Variants in AKAP4 observed in about 807,000 individuals in gnomAD.
AKAP4 encodes the protein A-kinase anchoring protein 4.
In AKAP4, 4 loss-of-function variants were observed where a neutral mutation model predicts 42.6. The observed-to-expected ratio is 0.09, with a 90% CI of 0.05 to 0.22. The LOEUF is 0.22. Ranked by LOEUF, AKAP4 falls within the 10% of genes least tolerant of loss-of-function variation. The probability of loss-of-function intolerance (pLI) is 1.00; values close to 1 mark genes in which losing one functional copy is unlikely to be tolerated. For missense variants in AKAP4, 551 were observed against 630.7 expected (o/e 0.87, Z 1.35); for synonymous variants, 223 against 233.0 (o/e 0.96, Z 0.39).
intron 4 of AKAP4, among the ~76,000 whole-genome samples, chrX:50,196,690 T>TGATTAG (rs1344298741): frequency 9.8e-5 from 11 of 111,830 alleles, no homozygotes; most frequent in African/African-American, 2.6e-4. Flanking sequence ...TGAGCCTCTG[T>TGATTAG]GATTAGTGCC....
rs1286860144 is a variant in AKAP4, at chrX:50,200,389, C to T, written c.27+474G>A. 4.0e-6 allele frequency: 3 copies of T among 753,564 alleles called. No homozygotes were observed. The African/African-American group carries it at 6.9e-5, about 17-fold the overall frequency. The allele number at this position is 753,564 out of a possible 1,213,427, so 62.1% of individuals were successfully genotyped here. On this transcript the variant is annotated intron_variant, in intron 1 of 5. Transcript: ENST00000358526. ...GACCAGACTGAGGGGCCAGGCTTTC[C>T]CCTGCTGCCTCTGACCCTGGGGTGT... is the stretch of plus-strand genomic sequence containing the variant.
chrX:50,196,770 A>G, intron 4 of AKAP4, 121 bp downstream of exon 4: 1 of 495,702 alleles, frequency 2.0e-6, no homozygotes, highest in South Asian at 3.6e-5. Context: ...AGAATGTCAT[A>G]GTATTCAAAT....
chrX:50,194,797 A>G (rs1220370342), intron 4 of AKAP4, among the ~76,000 whole-genome samples: 1 of 111,187 alleles, frequency 9.0e-6, no homozygotes, highest in Admixed American at 9.6e-5. Context: ...GCCATTCTGT[A>G]TTGTTAGTGT....
intron 1 of AKAP4, among the ~76,000 whole-genome samples, chrX:50,200,555 A>C (rs1557204753): frequency 8.9e-6 from 1 of 112,332 alleles, no homozygotes; most frequent in Non-Finnish European, 1.9e-5. Context: ...TGTTATCTCT[A>C]TGAGGGTACA....
chrX:50,190,971 C>A lies in AKAP4; in HGVS notation c.2554G>T (p.Ala852Ser). 1.7e-6 allele frequency: 2 copies of A among 1,209,993 alleles called. No individual in the cohort carries two copies. Among genetic ancestry groups the A allele is most frequent in the Non-Finnish European group, 2.2e-6 (2 of 895,002 alleles). Residue 852 changes from alanine to serine, a missense_variant, in exon 6 of 6, where the codon GCT (alanine) becomes TCT (serine). Transcript: ENST00000358526. The stretch of plus-strand genomic sequence containing the variant: ...AGTCAAGGATCAGCTCACAGGTTAG[C>A]GAGCAGCCAGTCCAGCAACTGTTTC... The part of the protein sequence containing the change: ...ARKQLLDWLL[A>S]NL
rs192592461 is a variant in AKAP4, at chrX:50,199,765, C to T, written c.28-1013G>A. On this transcript the variant is annotated intron_variant, in intron 1 of 5. Transcript: ENST00000358526. ...CTCCCCACTCCCGCTCTCCCTTCTG[C>T]CCTTCCCCTCCCCTCTCTCCCCACT... Among the ~76,000 whole-genome samples the T allele has an allele frequency of 5.4e-3, 279 of 51,957 alleles. 10 individuals carry two copies. In the Admixed American group the frequency reaches 0.057, roughly 11 times the overall value. 45.1% of individuals were successfully genotyped at this position (51,957 alleles called of 115,157 possible).
chrX:50,192,499 G>A lies in AKAP4; in HGVS notation c.2214C>T (p.Gly738=). 1 of 1,211,285 alleles carries A rather than the reference G, an allele frequency of 8.3e-7. No individual in the cohort carries two copies. Among genetic ancestry groups the A allele is most frequent in the Non-Finnish European group, 1.1e-6 (1 of 895,332 alleles). ...AASANKPNFR[G]TRCIHSGAMP... is the part of the protein sequence containing the mutation. ...TTGCACCACTGTGAATGCATCTGGT[G>A]CCCCTGAAATTGGGCTTATTTGCCG... The change falls in exon 5 of 6, where the codon GGC becomes GGT. Residue 738 remains glycine, a synonymous_variant. Coordinates refer to ENST00000358526, the MANE Select transcript of AKAP4 (RefSeq NM_003886.3).
At position 50,196,858 on chromosome X, in the gene AKAP4, T is replaced by C; in HGVS notation, c.276+33A>G. On this transcript the variant is annotated intron_variant, in intron 4 of 5. Coordinates refer to ENST00000358526, the MANE Select transcript of AKAP4 (RefSeq NM_003886.3). ...AGACTCATCATTGAGCTCTGAGAAT[T>C]AGAAGTGGTGGGATCTCAGAGGTTA... 4.8e-6 allele frequency: 5 copies of C among 1,037,966 alleles called. No homozygotes were observed. In the East Asian group the frequency reaches 9.1e-5, roughly 19 times the overall value. 85.5% of individuals were successfully genotyped at this position (1,037,966 alleles called of 1,213,427 possible).
chrX:50,196,599 T>C (rs1935194490), intron 4 of AKAP4, among the ~76,000 whole-genome samples: 1 of 111,513 alleles, frequency 9.0e-6, no homozygotes, highest in Non-Finnish European at 1.9e-5. Flanking sequence ...CACAAGTCCA[T>C]TACCAGCCAG....
intron 4 of AKAP4, among the ~76,000 whole-genome samples, chrX:50,196,438 T>C (rs73493776): frequency 0.023 from 2,598 of 111,045 alleles, 66 homozygotes; most frequent in African/African-American, 0.082. Flanking sequence ...GCATGCAAGT[T>C]TAATTGCTTC....
At chrX:50,194,950 GA>G (rs1268207042) in intron 4 of AKAP4, among the ~76,000 whole-genome samples, 2 of 111,876 alleles carry the variant, frequency 1.8e-5, no homozygotes, top group Non-Finnish European at 3.8e-5. Context: ...GTACATGTGT[GA>G]ATGTCAAAAT....
At chrX:50,198,200 G>A (rs1935214943) in intron 2 of AKAP4, among the ~76,000 whole-genome samples, 2 of 111,514 alleles carry the variant, frequency 1.8e-5, no homozygotes, top group African/African-American at 6.5e-5. Context: ...TTAAAACATT[G>A]TAAAAATACA....
At chrX:50,198,806 C>G (rs1277715430) in intron 1 of AKAP4, 54 bp from the exon 2 acceptor site, 6 of 975,111 alleles carry the variant, frequency 6.2e-6, no homozygotes, top group Non-Finnish European at 8.6e-6. Context: ...TTTTGGAAAC[C>G]GGGTCAATTT....
At position 50,192,973 on chromosome X, in the gene AKAP4, C is replaced by G; in HGVS notation, c.1740G>C (p.Gln580His). The change falls in exon 5 of 6, where the codon CAG (glutamine) becomes CAC (histidine). Residue 580 changes from glutamine (Q) to histidine (H), a missense_variant. Transcript: ENST00000358526. Reference sequence around the variant, plus strand: ...CTCCACACTTTTCATATTGAGTACTCTGAGCCATATAGCCCATGGTGGAAC... The same window carrying G: ...CTCCACACTTTTCATATTGAGTACTGTGAGCCATATAGCCCATGGTGGAAC... ...CPGSTMGYMA[Q>H]STQYEKCGGG... 1 of 1,211,787 alleles carries G rather than the reference C, an allele frequency of 8.3e-7. No individual in the cohort carries two copies. The highest frequency in any genetic ancestry group is 1.8e-5 in the South Asian group (1 of 56,980).
chrX:50,192,329 C>G lies in AKAP4; in HGVS notation c.2384G>C (p.Gly795Ala). The change falls in exon 5 of 6, where the codon GGA (glycine) becomes GCA (alanine). Residue 795 changes from glycine (G) to alanine (A), a missense_variant. Coordinates refer to ENST00000358526, the MANE Select transcript of AKAP4 (RefSeq NM_003886.3). The part of the protein sequence containing the change: ...QFNVPMLYFM[G>A]DKDGQLEKLP... ...CTTTTCCAGTTGTCCATCCTTATCT[C>G]CCATGAAGTAGAGCATGGGCACGTT... 2 of 1,201,707 alleles carry G rather than the reference C, an allele frequency of 1.7e-6. No individual in the cohort carries two copies. The highest frequency in any genetic ancestry group is 1.1e-6 in the Non-Finnish European group (1 of 891,221).
At chrX:50,191,670 AAGAG>A (rs782187338) in intron 5 of AKAP4, among the ~76,000 whole-genome samples, 1 of 90,020 alleles carries the variant, frequency 1.1e-5, no homozygotes, top group East Asian at 3.5e-4. Context: ...GAGAGAGAGA[AAGAG>A]AGAGAGAGAG....
Position 50,194,365 on chromosome X carries a change from A to G in AKAP4, c.348T>C (p.Ser116=), listed in dbSNP as rs1176672428. The change falls in exon 5 of 6, where the codon AGT becomes AGC. Residue 116 remains serine, a synonymous_variant. Coordinates refer to ENST00000358526, the MANE Select transcript of AKAP4 (RefSeq NM_003886.3). ...DPVSVLNWLL[S]DLQKYALGFQ... is the part of the protein sequence containing the mutation. ...AACCCAAGGCATACTTCTGGAGATC[A>G]CTGAGAAGCCAGTTGAGGACACTTA... The G allele has an allele frequency of 4.1e-6, 5 of 1,206,888 alleles. No individual in the cohort carries two copies. Among genetic ancestry groups the G allele is most frequent in the Non-Finnish European group, 3.4e-6 (3 of 894,445 alleles).
In AKAP4 at chrX:50,194,237, T is replaced by C; in HGVS notation, c.476A>G (p.Tyr159Cys). Residue 159 changes from tyrosine to cysteine, a missense_variant, in exon 5 of 6, where the codon TAT becomes TGT. Physicochemically the swap from Tyr to Cys is radical, Grantham distance 194 (BLOSUM62 -2). Coordinates refer to ENST00000358526, the MANE Select transcript of AKAP4 (RefSeq NM_003886.3). ...RASSENCYSV[Y>C]ADQVNIDYLM... The stretch of plus-strand genomic sequence containing the variant: ...ATAATCTATGTTCACTTGATCGGCA[T>C]AGACACTGTAGCAGTTCTCAGAGGA... The C allele has an allele frequency of 8.3e-7, 1 of 1,210,934 alleles. No homozygotes were observed. Among genetic ancestry groups the C allele is most frequent in the Non-Finnish European group, 1.1e-6 (1 of 895,254 alleles).
Position 50,192,987 on chromosome X carries a change from C to A in AKAP4, c.1726G>T (p.Gly576Cys), listed in dbSNP as rs1557203887. ...CEEDCPGSTM[G>C]YMAQSTQYEK... is the part of the protein sequence containing the mutation. Reference sequence around the variant, plus strand: ...TATTGAGTACTCTGAGCCATATAGCCCATGGTGGAACCAGGACAGTCTTCT... The same window carrying A: ...TATTGAGTACTCTGAGCCATATAGCACATGGTGGAACCAGGACAGTCTTCT... The change falls in exon 5 of 6, where the codon GGC becomes TGC. Residue 576 changes from glycine (G) to cysteine (C), a missense_variant. Transcript: ENST00000358526. 8.3e-7 allele frequency: 1 copy of A among 1,211,705 alleles called. No individual in the cohort carries two copies. Among genetic ancestry groups the A allele is most frequent in the Admixed American group, 2.2e-5 (1 of 46,014 alleles).
Sources: allele counts gnomAD v4.1 joint callset (sites outside exome capture counted in the v4.1 genomes callset), GRCh38; gene constraint gnomAD v4.1.1; transcripts MANE v1.5; gene names NCBI Gene and HGNC (gene_info 2026-07-23, HGNC 2026-07-21).